The following DCAF1 variants were observed in gnomAD, a reference collection of about 807,000 sequenced individuals.
DCAF1 encodes DDB1- and CUL4-associated factor 1.
In DCAF1, 15 loss-of-function variants were observed where a neutral mutation model predicts 128.0. That is an observed-to-expected ratio of 0.12 (90% CI 0.08 to 0.18). The LOEUF (loss-of-function observed/expected upper bound fraction) is 0.18, where lower values mean the gene tolerates loss of function less well. Among genes scored for constraint, DCAF1 ranks in the 10% least tolerant of loss-of-function variants. The pLI is 1.00. For missense variants in DCAF1, 988 were observed against 1,649.5 expected (o/e 0.60, Z 6.95); for synonymous variants, 610 against 603.0 (o/e 1.01, Z -0.17).
intron 23 of DCAF1, among the ~76,000 whole-genome samples, chr3:51,406,932 A>C (rs2090156301): frequency 6.6e-6 from 1 of 152,122 alleles, no homozygotes; most frequent in Non-Finnish European, 1.5e-5. Flanking sequence ...AGTGGCTCAC[A>C]CCTGTAATCC....
chr3:51,499,596 C>G lies in DCAF1; in HGVS notation c.-56+277G>C, dbSNP rs533482451. Among the ~76,000 whole-genome samples, 65 of 152,042 alleles carry G rather than the reference C, an allele frequency of 4.3e-4. 1 individual carries two copies. Among genetic ancestry groups the G allele is most frequent in the Non-Finnish European group, 6.9e-4 (47 of 67,920 alleles). On this transcript the variant is annotated intron_variant, in intron 1 of 24. Transcript: ENST00000684031. ...TAGGGGCGGACACACCCCGCCCCCC[C>G]ACTCCGGGCGGAAGAGTTACTCTCG...
chr3:51,497,457 C>T (rs1708351964), intron 1 of DCAF1, among the ~76,000 whole-genome samples: 1 of 151,810 alleles, frequency 6.6e-6, no homozygotes, highest in Non-Finnish European at 1.5e-5. Context: ...CATGGTGGCA[C>T]GCGCCTGTAG....
intron 24 of DCAF1, among the ~76,000 whole-genome samples, chr3:51,400,901 A>G (rs2089635598): frequency 6.6e-6 from 1 of 151,980 alleles, no homozygotes; most frequent in Non-Finnish European, 1.5e-5. Flanking sequence ...GGGAGGCCAA[A>G]GCAGGCGGAT....
chr3:51,440,964 C>T lies in DCAF1; in HGVS notation c.1128+6G>A. ...CCCGGTGACCCAATATTTTTAAGAA[C>T]TTTACCTTTAGTGCCTCAAATGTAA... On this transcript the variant is annotated splice_donor_region_variant and intron_variant, in intron 9 of 24. Coordinates refer to ENST00000684031, the MANE Select transcript of DCAF1 (RefSeq NM_001387579.1). The T allele has an allele frequency of 1.2e-6, 2 of 1,604,506 alleles. No individual in the cohort carries two copies. The highest frequency in any genetic ancestry group is 1.7e-6 in the Non-Finnish European group (2 of 1,176,006).
intron 6 of DCAF1, among the ~76,000 whole-genome samples, chr3:51,448,514 A>T (rs1553640780): frequency 1.3e-5 from 2 of 152,166 alleles, no homozygotes; most frequent in African/African-American, 4.8e-5. Context: ...GCATCCCTAT[A>T]CCCAGCTCAT....
chr3:51,490,820 G>A (rs1223448166), intron 2 of DCAF1, among the ~76,000 whole-genome samples: 2 of 152,066 alleles, frequency 1.3e-5, no homozygotes, highest in Admixed American at 6.6e-5. Context: ...CGGCTATCTG[G>A]GAGAATGAGG....
At chr3:51,461,912 T>C (rs1703629009) in intron 6 of DCAF1, among the ~76,000 whole-genome samples, 1 of 151,720 alleles carries the variant, frequency 6.6e-6, no homozygotes, top group Non-Finnish European at 1.5e-5. Context: ...GGGACTGTTG[T>C]GGGGTGGGGG....
chr3:51,426,357 G>GT (rs1699909287), intron 13 of DCAF1, among the ~76,000 whole-genome samples: 1 of 151,758 alleles, frequency 6.6e-6, no homozygotes. Context: ...CTACAGGTGC[G>GT]TAACACCACC....
intron 2 of DCAF1, among the ~76,000 whole-genome samples, chr3:51,493,302 A>T (rs1363860833): frequency 2.0e-5 from 3 of 151,848 alleles, no homozygotes; most frequent in Non-Finnish European, 4.4e-5. Context: ...AAAATTAACC[A>T]GGCATGGTGG....
chr3:51,492,695 A>C (rs1371290269), intron 2 of DCAF1, among the ~76,000 whole-genome samples: 1 of 152,164 alleles, frequency 6.6e-6, no homozygotes, highest in Non-Finnish European at 1.5e-5. Flanking sequence ...TATTGCTTGT[A>C]GAAATGTAAA....
rs181487531 is a variant in DCAF1 at position 51,400,640 on chromosome 3, A to C, written c.4466-1813T>G. On this transcript the variant is annotated intron_variant, in intron 24 of 24. Coordinates refer to ENST00000684031, the MANE Select transcript of DCAF1 (RefSeq NM_001387579.1). ...TAGGACGCCTTTCTCTACCTTCCTTATCCTTTCCCCACCTTCCTTATCCTT... is the reference window on the plus strand; with the variant it reads ...TAGGACGCCTTTCTCTACCTTCCTTCTCCTTTCCCCACCTTCCTTATCCTT... Among the ~76,000 whole-genome samples, 7 of 152,132 alleles carry C rather than the reference A, an allele frequency of 4.6e-5. No individual in the cohort carries two copies. In the East Asian group the frequency reaches 1.4e-3, roughly 29 times the overall value.
intron 12 of DCAF1, among the ~76,000 whole-genome samples, chr3:51,427,788 A>G (rs1437877095): frequency 6.6e-6 from 1 of 151,796 alleles, no homozygotes; most frequent in Non-Finnish European, 1.5e-5. Flanking sequence ...ACATGCCACC[A>G]CACCCAGCTA....
Position 51,441,607 on chromosome 3 carries a change from C to G in DCAF1, c.804G>C (p.Lys268Asn), listed in dbSNP as rs1701360625. 1.9e-6 allele frequency: 3 copies of G among 1,613,838 alleles called. No individual in the cohort carries two copies. Among genetic ancestry groups the G allele is most frequent in the Admixed American group, 1.7e-5 (1 of 59,978 alleles). ...TCTCTCTGTCACCCTGTTTTGCTGA[C>G]TTGTTTTTCTTTAATCCTCCATCCT... ...KPEDGGLKKN[K>N]SAKQGDRENF... The change falls in exon 8 of 25, where the codon AAG becomes AAC. Residue 268 changes from lysine to asparagine, a missense_variant. This residue lies in a region of DCAF1 where 210 missense variants were observed against 260.2 expected (regional missense o/e 0.81). Coordinates refer to ENST00000684031, the MANE Select transcript of DCAF1 (RefSeq NM_001387579.1).
rs782550143 is a variant in DCAF1 at position 51,420,903 on chromosome 3, C to A, written c.2067G>T (p.Val689=). The change falls in exon 15 of 25, where the codon GTG becomes GTT. Residue 689 remains valine (V), a synonymous_variant. Transcript: ENST00000684031. This position sits in a 1 kb window ranked among gnomAD's most constrained non-coding sequence, Gnocchi z 6.5. ...KSALQIIINC[V]CGPDNRISSI... ...TGGATATTCGGTTATCTGGGCCACA[C>A]ACACAATTGATGATAATCTGAAGTG... The A allele has an allele frequency of 3.7e-6, 6 of 1,613,862 alleles. No individual in the cohort carries two copies. In the African/African-American group the frequency reaches 4.0e-5, roughly 11 times the overall value.
Position 51,444,549 on chromosome 3 carries a change from G to A in DCAF1, c.376-646C>T, listed in dbSNP as rs190859463. On this transcript the variant is annotated intron_variant, in intron 6 of 24. Transcript: ENST00000684031. ...TATTTTTTAGTAGAGACGGGGTTTCGCTATGTTGGCCAGGCTGGTCTCGAA... is the reference window on the plus strand; with the variant it reads ...TATTTTTTAGTAGAGACGGGGTTTCACTATGTTGGCCAGGCTGGTCTCGAA... 4.4e-4 allele frequency among the ~76,000 whole-genome samples: 66 copies of A among 151,212 alleles called. 2 individuals carry two copies. The East Asian group carries it at 0.012, about 27-fold the overall frequency.
intron 6 of DCAF1, among the ~76,000 whole-genome samples, chr3:51,459,486 G>T (rs563410372): frequency 1.3e-5 from 2 of 152,270 alleles, no homozygotes; most frequent in Admixed American, 1.3e-4. Context: ...GTACAAAGAG[G>T]AGCTGGTACC....
At chr3:51,437,285 A>AAG (rs1559509382) in intron 9 of DCAF1, 3 of 396,500 alleles carry the variant, frequency 7.6e-6, no homozygotes, top group African/African-American at 6.4e-5. Context: ...AAAAAAAAAA[A>AAG]AAAAAGAAAG....
chr3:51,467,442 T>C (rs1704244774), intron 4 of DCAF1, among the ~76,000 whole-genome samples: 2 of 152,034 alleles, frequency 1.3e-5, no homozygotes, highest in Admixed American at 1.3e-4. Context: ...AGGTGGGAAC[T>C]GAACAATGAG....
chr3:51,481,721 T>C (rs1706221465), intron 3 of DCAF1, among the ~76,000 whole-genome samples: 1 of 151,958 alleles, frequency 6.6e-6, no homozygotes, highest in South Asian at 2.1e-4. Context: ...CCGGGCACAG[T>C]GGCTCACGCC....
Sources: allele counts gnomAD v4.1 joint callset (sites outside exome capture counted in the v4.1 genomes callset), GRCh38; gene constraint gnomAD v4.1.1; regional missense constraint gnomAD v4.1.1; non-coding constraint Gnocchi (gnomAD v3.1); transcripts MANE v1.5; gene names NCBI Gene and HGNC (gene_info 2026-07-23, HGNC 2026-07-21).